The following PTPRN2 variants were observed in gnomAD, a reference collection of about 807,000 sequenced individuals.
PTPRN2 encodes protein tyrosine phosphatase receptor type N2.
In PTPRN2, 74 loss-of-function variants were observed where a neutral mutation model predicts 118.8. That is an observed-to-expected ratio of 0.62 (90% CI 0.52 to 0.76). The LOEUF is 0.76. PTPRN2 is among the 30% of genes least tolerant of loss of function. PTPRN2 has a pLI of 0.00. For synonymous variants in PTPRN2, 641 were observed against 608.0 expected, an observed-to-expected ratio of 1.05 and a Z score of -0.80; for missense variants, 1,481 against 1,394.4, an observed-to-expected ratio of 1.06 and a Z score of -0.99.
intron 16 of PTPRN2, among the ~76,000 whole-genome samples, chr7:157,599,183 T>C (rs1470380910): frequency 6.6e-6 from 1 of 152,152 alleles, no homozygotes; most frequent in Non-Finnish European, 1.5e-5. Flanking sequence ...CTACTTTTTG[T>C]ATTTTTAGTA....
chr7:158,336,679 G>A (rs796794348), intron 2 of PTPRN2, among the ~76,000 whole-genome samples: 40 of 108,168 alleles, frequency 3.7e-4, no homozygotes, highest in Non-Finnish European at 4.5e-4. Context: ...CTCACCATAA[G>A]AGCTGACGCC....
intron 10 of PTPRN2, among the ~76,000 whole-genome samples, chr7:158,091,668 G>T (rs1254596284): frequency 2.7e-5 from 4 of 150,286 alleles, no homozygotes; most frequent in Non-Finnish European, 5.9e-5. Flanking sequence ...GTAGAGAGAT[G>T]GTTGGTTGGG....
intron 12 of PTPRN2, among the ~76,000 whole-genome samples, chr7:157,772,852 T>C (rs776914299): frequency 6.6e-6 from 1 of 152,252 alleles, no homozygotes; most frequent in Non-Finnish European, 1.5e-5. Flanking sequence ...CGAGGTCCCA[T>C]GTGCTGCTAG....
intron 12 of PTPRN2, among the ~76,000 whole-genome samples, chr7:157,744,036 G>A (rs1323915356): frequency 6.6e-6 from 1 of 152,210 alleles, no homozygotes; most frequent in African/African-American, 2.4e-5. Context: ...CGACTCTGAC[G>A]CAGCTTAGAA....
At chr7:157,826,615 G>T (rs1807191401) in intron 12 of PTPRN2, among the ~76,000 whole-genome samples, 1 of 152,204 alleles carries the variant, frequency 6.6e-6, no homozygotes, top group African/African-American at 2.4e-5. Flanking sequence ...CACGCGTGCT[G>T]TGCTAAGCTG....
intron 3 of PTPRN2, among the ~76,000 whole-genome samples, chr7:158,274,572 G>T (rs1035284008): frequency 6.6e-6 from 1 of 152,178 alleles, no homozygotes; most frequent in Non-Finnish European, 1.5e-5. Flanking sequence ...GGGATCTAGC[G>T]TGTGTGGACG....
intron 2 of PTPRN2, among the ~76,000 whole-genome samples, chr7:158,444,336 G>A (rs991418218): frequency 6.6e-6 from 1 of 152,246 alleles, no homozygotes; most frequent in Non-Finnish European, 1.5e-5. Flanking sequence ...CAGCGCCCAG[G>A]CGCCTCCTCC....
At chr7:158,021,396 C>T (rs1806859549) in intron 11 of PTPRN2, among the ~76,000 whole-genome samples, 1 of 152,134 alleles carries the variant, frequency 6.6e-6, no homozygotes, top group Admixed American at 6.5e-5. Context: ...CAGGACAAGA[C>T]CATGAGAAAC....
intron 13 of PTPRN2, among the ~76,000 whole-genome samples, chr7:157,659,514 AG>A (rs1412417301): frequency 6.6e-6 from 1 of 151,102 alleles, no homozygotes; most frequent in East Asian, 2.0e-4. Flanking sequence ...AGAGACGCAC[AG>A]GGGAAGGTGG....
At chr7:158,238,956 G>T (rs565914370) in intron 3 of PTPRN2, among the ~76,000 whole-genome samples, 1 of 152,212 alleles carries the variant, frequency 6.6e-6, no homozygotes, top group African/African-American at 2.4e-5. Flanking sequence ...GCTAAGCCAC[G>T]CGGCTCCCCA....
intron 10 of PTPRN2, among the ~76,000 whole-genome samples, chr7:158,081,811 C>T (rs536160326): frequency 1.3e-5 from 2 of 152,212 alleles, no homozygotes; most frequent in Admixed American, 1.3e-4. Flanking sequence ...AAAAAACTAC[C>T]AAAGTCATTA....
chr7:158,525,188 G>C lies in PTPRN2; in HGVS notation c.113-35403C>G, dbSNP rs1824677351. Among the ~76,000 whole-genome samples the C allele has an allele frequency of 6.6e-6, 1 of 152,172 alleles. No individual in the cohort carries two copies. Among genetic ancestry groups the C allele is most frequent in the South Asian group, 2.1e-4 (1 of 4,830 alleles). On this transcript the variant is annotated intron_variant, in intron 1 of 22. Transcript: ENST00000389418. This position sits in a 1 kb window ranked among gnomAD's most constrained non-coding sequence, Gnocchi z 4.1. ...GCTCTGGAGCCGGCTGCAGAGCACAGCGTGAGGCAGGCCCTGACCGCTCTG... is the reference window on the plus strand; with the variant it reads ...GCTCTGGAGCCGGCTGCAGAGCACACCGTGAGGCAGGCCCTGACCGCTCTG...
chr7:158,271,068 C>G (rs998874576), intron 3 of PTPRN2, among the ~76,000 whole-genome samples: 8 of 143,808 alleles, frequency 5.6e-5, no homozygotes, highest in African/African-American at 2.1e-4. Flanking sequence ...GGGCCACCCC[C>G]TCCACCTGGA....
In PTPRN2 at chr7:157,637,164, T is replaced by C. The variant is rs931779333; in HGVS notation, c.2197-15655A>G. ...ACATATCCCTTTGACATATGAAATA[T>C]AGTTTAAGCCATGAGTTACTTAAAA... On this transcript the variant is annotated intron_variant, in intron 14 of 22. Transcript: ENST00000389418. Among the ~76,000 whole-genome samples the C allele has an allele frequency of 3.3e-5, 5 of 152,358 alleles. No homozygotes were observed. The South Asian group carries it at 6.2e-4, about 19-fold the overall frequency.
At chr7:158,005,976 A>T (rs1264789235) in intron 11 of PTPRN2, among the ~76,000 whole-genome samples, 1 of 152,188 alleles carries the variant, frequency 6.6e-6, no homozygotes, top group Admixed American at 6.5e-5. Flanking sequence ...CCTGCATCTG[A>T]ATTTCTTTGG....
chr7:157,737,531 G>A (rs574747096), intron 12 of PTPRN2, among the ~76,000 whole-genome samples: 2 of 152,356 alleles, frequency 1.3e-5, no homozygotes, highest in South Asian at 4.1e-4. Context: ...GAGCTTCCCT[G>A]GTTATCCCCT....
intron 12 of PTPRN2, among the ~76,000 whole-genome samples, chr7:157,829,323 G>A (rs55733803): frequency 0.12 from 17,841 of 152,072 alleles, 1,811 homozygotes; most frequent in African/African-American, 0.26. Context: ...ATGAGGCCTC[G>A]CCACTGATCA....
chr7:157,809,178 C>T (rs572528796), intron 12 of PTPRN2, among the ~76,000 whole-genome samples: 32 of 152,390 alleles, frequency 2.1e-4, no homozygotes, highest in African/African-American at 5.3e-4. Flanking sequence ...CAAAGAGGAA[C>T]GTGTTGCGAC....
In PTPRN2 at chr7:158,183,206, T is replaced by G. The variant is rs151102207; in HGVS notation, c.549+9121A>C. The stretch of plus-strand genomic sequence containing the variant: ...TATGTGTTAGGTGACTATGTTGAGA[T>G]AGCAGATATTTGGTTTGTGTCTTTT... On this transcript the variant is annotated intron_variant, in intron 5 of 22. Transcript: ENST00000389418. Among the ~76,000 whole-genome samples the G allele has an allele frequency of 3.3e-3, 502 of 152,360 alleles. 3 individuals carry two copies. Among genetic ancestry groups the G allele is most frequent in the African/African-American group, 0.012 (489 of 41,578 alleles).
Sources: gnomAD v4.1 joint callset for allele counts (sites outside exome capture counted in the v4.1 genomes callset) on GRCh38, gnomAD v4.1.1 for gene constraint, Gnocchi (gnomAD v3.1) non-coding constraint, MANE v1.5 for transcripts, NCBI Gene and HGNC (gene_info 2026-07-23, HGNC 2026-07-21) for gene names.